The following MYO18B variants were observed in gnomAD, a reference collection of about 807,000 sequenced individuals.
MYO18B encodes myosin XVIIIB.
MYO18B carries 204 observed loss-of-function variants against 273.0 expected under a neutral mutation model. That is an observed-to-expected ratio of 0.75 (90% CI 0.67 to 0.84). The LOEUF is 0.84. MYO18B is among the 40% of genes least tolerant of loss of function. MYO18B has a pLI of 0.00. For missense variants in MYO18B, 3,212 were observed against 3,287.6 expected, an observed-to-expected ratio of 0.98 and a Z score of 0.56; for synonymous variants, 1,330 against 1,305.7, an observed-to-expected ratio of 1.02 and a Z score of -0.40.
At chr22:25,767,533 A>G (rs530920785) in intron 3 of MYO18B, among the ~76,000 whole-genome samples, 3 of 152,314 alleles carry the variant, frequency 2.0e-5, no homozygotes, top group African/African-American at 7.2e-5. Flanking sequence ...GCCCAGAGAG[A>G]AGAGATGGTA....
chr22:25,826,478 C>G lies in MYO18B; in HGVS notation c.2765C>G (p.Ala922Gly), dbSNP rs530306615. The change falls in exon 14 of 44, where the codon GCT becomes GGT. Residue 922 changes from alanine (A) to glycine (G), a missense_variant. Physicochemically the swap from Ala to Gly is moderately conservative, Grantham distance 60. Coordinates refer to ENST00000335473, the MANE Select transcript of MYO18B (RefSeq NM_032608.7). ...GGCCTGTACCAGGAACTCTTTGCGG[C>G]TGTGGTCTCACTCATCAACAGGTAA... is the stretch of plus-strand genomic sequence containing the variant. ...ASGLYQELFA[A>G]VVSLINRSFS... 3 of 1,613,804 alleles carry G rather than the reference C, an allele frequency of 1.9e-6. No individual in the cohort carries two copies. In the South Asian group the frequency reaches 3.3e-5, roughly 18 times the overall value.
intron 39 of MYO18B, among the ~76,000 whole-genome samples, chr22:25,965,343 T>A (rs1288095174): frequency 6.6e-6 from 1 of 152,322 alleles, no homozygotes; most frequent in African/African-American, 2.4e-5. Context: ...TATTGGTCAG[T>A]TTCCCTCGAA....
At chr22:26,050,817 T>C in the MYO18B span, among the ~76,000 whole-genome samples, 1 of 152,168 alleles carries the variant, frequency 6.6e-6, no homozygotes. Context: ...ATTGTTATTG[T>C]TGCTTATGAG....
At chr22:25,831,009 T>G (rs2089686815) in intron 15 of MYO18B, among the ~76,000 whole-genome samples, 2 of 152,252 alleles carry the variant, frequency 1.3e-5, no homozygotes, top group African/African-American at 2.4e-5. Context: ...GCTGGAAAGT[T>G]CATATGAGTA....
chr22:26,045,145 T>C, the MYO18B span, among the ~76,000 whole-genome samples: 19 of 151,986 alleles, frequency 1.3e-4, no homozygotes, highest in Admixed American at 3.3e-4. Context: ...TCAAGAGGGC[T>C]TGCACATTTC....
intron 34 of MYO18B, among the ~76,000 whole-genome samples, chr22:25,942,424 C>T (rs934274157): frequency 3.3e-5 from 5 of 152,204 alleles, no homozygotes; most frequent in African/African-American, 9.7e-5. Context: ...CGTTATAGCA[C>T]GAAACCACTG....
At position 25,777,598 on chromosome 22, in the gene MYO18B, C is replaced by T. The variant is rs377088302; in HGVS notation, c.1885C>T (p.Arg629Trp). The T allele has an allele frequency of 6.5e-5, 104 of 1,594,378 alleles. No homozygotes were observed. The African/African-American group carries it at 1.1e-3, about 16-fold the overall frequency. Residue 629 changes from arginine (R) to tryptophan (W), a missense_variant, in exon 8 of 44, where the codon CGG becomes TGG. By Grantham distance (101) the Arg-to-Trp change is moderately radical. Coordinates refer to ENST00000335473, the MANE Select transcript of MYO18B (RefSeq NM_032608.7). ...PSAGKVPKGRRDGLPAHIGSM... is the reference protein window; with the variant it reads ...PSAGKVPKGRWDGLPAHIGSM... Reference sequence around the variant, plus strand: ...CTTCCTGCAGGTGCCCAAGGGCCGCCGGGATGGCCTGCCTGCCCACATTGG... The same window carrying T: ...CTTCCTGCAGGTGCCCAAGGGCCGCTGGGATGGCCTGCCTGCCCACATTGG...
intron 22 of MYO18B, 29 bp from the exon 23 acceptor site, chr22:25,874,257 G>T (rs765429060): frequency 6.2e-7 from 1 of 1,613,552 alleles, no homozygotes; most frequent in East Asian, 2.2e-5. Context: ...TTCAGCAGAG[G>T]ACTCACCTGA....
chr22:25,788,775 T>C (rs749099945), intron 11 of MYO18B, among the ~76,000 whole-genome samples: 1 of 152,168 alleles, frequency 6.6e-6, no homozygotes, highest in Non-Finnish European at 1.5e-5. Context: ...TTCTGTTTCA[T>C]CTGTAACAGC....
intron 40 of MYO18B, among the ~76,000 whole-genome samples, chr22:25,996,468 T>C (rs1043513230): frequency 6.6e-6 from 1 of 152,190 alleles, no homozygotes; most frequent in African/African-American, 2.4e-5. Flanking sequence ...GAACTGTGTC[T>C]AAAGCCCAGT....
intron 39 of MYO18B, among the ~76,000 whole-genome samples, chr22:25,990,330 C>T (rs938584629): frequency 5.9e-5 from 9 of 152,096 alleles, no homozygotes; most frequent in African/African-American, 1.9e-4. Flanking sequence ...CCCAGCTCTG[C>T]GCCTTTCCTG....
chr22:25,835,367 T>G lies in MYO18B; in HGVS notation c.3132T>G (p.His1044Gln). ...TCTGGGTCTTAGATGAGGAAGTCCA[T>G]GTAGAGGGCTCCAGTGACAGTGTGG... ...GLFWVLDEEV[H>Q]VEGSSDSVVL... is the part of the protein sequence containing the mutation. The change falls in exon 17 of 44, where the codon CAT (histidine) becomes CAG (glutamine). Residue 1044 changes from histidine (H) to glutamine (Q), a missense_variant. Transcript: ENST00000335473. 1 of 1,613,916 alleles carries G rather than the reference T, an allele frequency of 6.2e-7. No individual in the cohort carries two copies. The highest frequency in any genetic ancestry group is 8.5e-7 in the Non-Finnish European group (1 of 1,179,864).
At chr22:26,051,720 A>G in the MYO18B span, among the ~76,000 whole-genome samples, 1 of 152,162 alleles carries the variant, frequency 6.6e-6, no homozygotes, top group African/African-American at 2.4e-5. Flanking sequence ...ATTTCTTGTT[A>G]TCTTTCCTGA....
chr22:25,927,731 G>A (rs929251455), intron 34 of MYO18B, among the ~76,000 whole-genome samples: 1 of 152,072 alleles, frequency 6.6e-6, no homozygotes, highest in South Asian at 2.1e-4. Flanking sequence ...GGGGCATCAC[G>A]GAACCTACCG....
chr22:25,888,858 A>T (rs1330821753), intron 25 of MYO18B, among the ~76,000 whole-genome samples: 2 of 152,218 alleles, frequency 1.3e-5, no homozygotes, highest in African/African-American at 4.8e-5. Flanking sequence ...TGCGGTCAAC[A>T]GGGTGGGAGG....
At chr22:25,882,445 C>T (rs943644959) in intron 25 of MYO18B, among the ~76,000 whole-genome samples, 2 of 151,844 alleles carry the variant, frequency 1.3e-5, no homozygotes, top group Non-Finnish European at 2.9e-5. Context: ...CATGGATTCT[C>T]ATAAAAGGGG....
chr22:25,835,672 G>A (rs111994952), intron 17 of MYO18B, among the ~76,000 whole-genome samples: 5 of 152,244 alleles, frequency 3.3e-5, no homozygotes, highest in South Asian at 4.1e-4. Context: ...CCAGCCTGGC[G>A]TGGGCCAGTC....
chr22:26,034,096 G>A (rs1317572648), downstream of MYO18B, among the ~76,000 whole-genome samples: 1 of 152,124 alleles, frequency 6.6e-6, no homozygotes, highest in Non-Finnish European at 1.5e-5. Context: ...GGGATTACAG[G>A]CGCCCGCCAC....
intron 27 of MYO18B, chr22:25,894,759 G>A (rs36000366): frequency 0.014 from 2,193 of 157,258 alleles, 16 homozygotes; most frequent in East Asian, 0.034. Context: ...ACATGTAGGG[G>A]AATCTGCTTG....
Sources: gnomAD v4.1 joint callset for allele counts (sites outside exome capture counted in the v4.1 genomes callset) on GRCh38, gnomAD v4.1.1 for gene constraint, MANE v1.5 for transcripts, NCBI Gene and HGNC (gene_info 2026-07-23, HGNC 2026-07-21) for gene names.